The following CDKAL1 variants were observed in gnomAD, a reference collection of about 807,000 sequenced individuals.
CDKAL1 encodes threonylcarbamoyladenosine tRNA methylthiotransferase.
In CDKAL1, 32 loss-of-function variants were observed where a neutral mutation model predicts 68.2. That is an observed-to-expected ratio of 0.47 (90% CI 0.35 to 0.63). CDKAL1 has a LOEUF of 0.63. Ranked by LOEUF, CDKAL1 falls within the 30% of genes least tolerant of loss-of-function variation. The pLI, the probability that CDKAL1 is intolerant of heterozygous loss-of-function variation, is 0.00. For missense variants in CDKAL1, 606 were observed against 696.7 expected, an observed-to-expected ratio of 0.87 and a Z score of 1.47; for synonymous variants, 234 against 244.3, an observed-to-expected ratio of 0.96 and a Z score of 0.39.
At chr6:20,891,492 C>T (rs1384184051) in intron 9 of CDKAL1, among the ~76,000 whole-genome samples, 1 of 151,858 alleles carries the variant, frequency 6.6e-6, no homozygotes, top group Admixed American at 6.6e-5. Context: ...TATTCCATCT[C>T]ACTCTTTGTC....
chr6:21,074,449 G>C (rs1771957417), intron 12 of CDKAL1, among the ~76,000 whole-genome samples: 1 of 152,160 alleles, frequency 6.6e-6, no homozygotes. Context: ...CTGGGGATTA[G>C]GACTTCAGTA....
At chr6:20,989,966 G>A (rs538437527) in intron 10 of CDKAL1, among the ~76,000 whole-genome samples, 6 of 152,220 alleles carry the variant, frequency 3.9e-5, no homozygotes, top group African/African-American at 1.4e-4. Context: ...AAATAGGCTC[G>A]GCGTGGTGGT....
chr6:20,928,391 A>G (rs546982096), intron 9 of CDKAL1, among the ~76,000 whole-genome samples: 1 of 152,374 alleles, frequency 6.6e-6, no homozygotes, highest in African/African-American at 2.4e-5. Flanking sequence ...ACATTTAAAC[A>G]TAGCCCAGGA....
At chr6:20,550,663 T>C (rs1444231938) in intron 4 of CDKAL1, among the ~76,000 whole-genome samples, 1 of 152,096 alleles carries the variant, frequency 6.6e-6, no homozygotes, top group Non-Finnish European at 1.5e-5. Flanking sequence ...CTAGGAATTA[T>C]GTATGAATAG....
intron 2 of CDKAL1, among the ~76,000 whole-genome samples, chr6:20,535,765 C>T (rs970966979): frequency 1.1e-4 from 16 of 152,150 alleles, no homozygotes; most frequent in African/African-American, 3.6e-4. Flanking sequence ...CCTCTGTTCT[C>T]TTTTTCTTCC....
At chr6:20,629,932 C>T (rs1056824907) in intron 4 of CDKAL1, among the ~76,000 whole-genome samples, 1 of 152,118 alleles carries the variant, frequency 6.6e-6, no homozygotes, top group African/African-American at 2.4e-5. Flanking sequence ...TGGATCACTG[C>T]AGCCTCTGCC....
chr6:21,026,692 AATTC>A (rs1768977216), intron 11 of CDKAL1, among the ~76,000 whole-genome samples: 1 of 152,142 alleles, frequency 6.6e-6, no homozygotes, highest in South Asian at 2.1e-4. Context: ...ATTTTCCAGG[AATTC>A]ATTGTAGAGT....
chr6:20,938,748 A>G (rs995439090), intron 9 of CDKAL1, among the ~76,000 whole-genome samples: 5 of 152,074 alleles, frequency 3.3e-5, no homozygotes, highest in Admixed American at 1.3e-4. Context: ...CAGAAGCTCA[A>G]TTTATTATTT....
intron 9 of CDKAL1, among the ~76,000 whole-genome samples, chr6:20,921,380 G>C (rs1762949078): frequency 1.3e-5 from 2 of 152,170 alleles, no homozygotes; most frequent in Non-Finnish European, 1.5e-5. Flanking sequence ...AGTGAGCCAA[G>C]TGCACCACTG....
chr6:20,636,249 G>T (rs988803908), intron 4 of CDKAL1, among the ~76,000 whole-genome samples: 3 of 152,028 alleles, frequency 2.0e-5, no homozygotes, highest in Non-Finnish European at 4.4e-5. Flanking sequence ...GTATATTTTG[G>T]GGTAGTGTGC....
At chr6:20,938,567 G>T (rs139009868) in intron 9 of CDKAL1, among the ~76,000 whole-genome samples, 1 of 151,984 alleles carries the variant, frequency 6.6e-6, no homozygotes, top group Non-Finnish European at 1.5e-5. Context: ...CTATTAAAAT[G>T]AAATAATATT....
At chr6:21,023,336 T>C (rs1399815226) in intron 11 of CDKAL1, among the ~76,000 whole-genome samples, 2 of 152,158 alleles carry the variant, frequency 1.3e-5, no homozygotes, top group African/African-American at 4.8e-5. Context: ...GATGAGGTAC[T>C]CTGAAGGTCT....
At chr6:20,945,471 G>A (rs1434235106) in intron 9 of CDKAL1, among the ~76,000 whole-genome samples, 1 of 152,054 alleles carries the variant, frequency 6.6e-6, no homozygotes, top group Admixed American at 6.5e-5. Context: ...TAGTTTCCAG[G>A]TTTTTGGGTA....
At chr6:21,200,631 C>G (rs1017120300) in intron 14 of CDKAL1, among the ~76,000 whole-genome samples, 1 of 152,186 alleles carries the variant, frequency 6.6e-6, no homozygotes, top group African/African-American at 2.4e-5. Context: ...TAGCCAAAAG[C>G]AAGATATCAA....
At chr6:21,196,574 A>G (rs555156280) in intron 13 of CDKAL1, among the ~76,000 whole-genome samples, 16 of 152,312 alleles carry the variant, frequency 1.1e-4, no homozygotes, top group African/African-American at 3.6e-4. Context: ...ATAGTAAATT[A>G]TGGTGTATTT....
Position 21,005,051 on chromosome 6 carries a change from T to C in CDKAL1, c.1055+4679T>C, listed in dbSNP as rs569791521. ...CACATAACTGATGTTTCTGTTATCT[T>C]TTAAACTTATTACTGAGATGTTTTT... On this transcript the variant is annotated intron_variant, in intron 11 of 15. Transcript: ENST00000274695. 1.8e-3 allele frequency among the ~76,000 whole-genome samples: 281 copies of C among 152,356 alleles called. 1 individual carries two copies. Among genetic ancestry groups the C allele is most frequent in the Non-Finnish European group, 2.9e-3 (199 of 68,024 alleles).
intron 9 of CDKAL1, among the ~76,000 whole-genome samples, chr6:20,876,507 A>G (rs1414727062): frequency 1.3e-5 from 2 of 152,194 alleles, no homozygotes; most frequent in Non-Finnish European, 2.9e-5. Flanking sequence ...GCATTTGTGC[A>G]TTGATGGGAT....
intron 5 of CDKAL1, among the ~76,000 whole-genome samples, chr6:20,732,441 A>AT (rs35633408): frequency 0.05 from 5,916 of 118,996 alleles, 344 homozygotes; most frequent in African/African-American, 0.15. Context: ...ACACCTGGCT[A>AT]TTTTTTTTTT....
intron 10 of CDKAL1, among the ~76,000 whole-genome samples, chr6:20,983,241 C>T (rs1766253627): frequency 6.6e-6 from 1 of 152,032 alleles, no homozygotes; most frequent in African/African-American, 2.4e-5. Flanking sequence ...GCAAAGATCC[C>T]ATTAATTTAT....
Sources: allele counts gnomAD v4.1 joint callset (sites outside exome capture counted in the v4.1 genomes callset), GRCh38; gene constraint gnomAD v4.1.1; transcripts MANE v1.5; gene names NCBI Gene and HGNC (gene_info 2026-07-23, HGNC 2026-07-21).